Variants in FHOD3 observed in about 807,000 individuals in gnomAD.
The protein encoded by FHOD3 is FH1/FH2 domain-containing protein 3.
A neutral mutation model predicts 173.0 loss-of-function variants in FHOD3; 90 were observed. The observed-to-expected ratio is 0.52, with a 90% CI of 0.44 to 0.62. The LOEUF is 0.62. Ranked by LOEUF, FHOD3 falls within the 20% of genes least tolerant of loss-of-function variation. The pLI, the probability that FHOD3 is intolerant of heterozygous loss-of-function variation, is 0.00. For synonymous variants in FHOD3, 828 were observed against 823.0 expected (o/e 1.01, Z -0.10); for missense variants, 1,945 against 2,034.7 (o/e 0.96, Z 0.85).
chr18:36,693,117 C>A, intron 16 of FHOD3, 92 bp from the exon 17 acceptor site: 1 of 1,290,512 alleles, frequency 7.7e-7, no homozygotes, highest in Non-Finnish European at 1.1e-6. Flanking sequence ...ATCAGGAAAC[C>A]GGCTCATTCT....
At chr18:36,464,415 A>G (rs977261271) in intron 3 of FHOD3, among the ~76,000 whole-genome samples, 3 of 152,156 alleles carry the variant, frequency 2.0e-5, no homozygotes, top group Admixed American at 1.3e-4. Flanking sequence ...GGATACTTCT[A>G]AGGCTTGGTA....
intron 5 of FHOD3, among the ~76,000 whole-genome samples, chr18:36,525,510 T>C (rs2056470923): frequency 6.6e-6 from 1 of 152,196 alleles, no homozygotes; most frequent in Non-Finnish European, 1.5e-5. Context: ...ATGATAAATG[T>C]ATGTTGTTTT....
At chr18:36,485,693 T>C (rs1382134134) in intron 3 of FHOD3, among the ~76,000 whole-genome samples, 4 of 152,212 alleles carry the variant, frequency 2.6e-5, no homozygotes, top group African/African-American at 9.6e-5. Flanking sequence ...CAGAGCATGA[T>C]ACATAATGGA....
At chr18:36,657,364 C>A (rs2036494650) in intron 13 of FHOD3, among the ~76,000 whole-genome samples, 1 of 152,210 alleles carries the variant, frequency 6.6e-6, no homozygotes, top group South Asian at 2.1e-4. Context: ...TAAATATGGT[C>A]TGCTAAAGGA....
chr18:36,511,394 G>A (rs964123341), intron 4 of FHOD3, among the ~76,000 whole-genome samples: 7 of 145,552 alleles, frequency 4.8e-5, no homozygotes, highest in Non-Finnish European at 7.5e-5. Context: ...TGCCACTCCT[G>A]AGTCTTAGTG....
chr18:36,409,247 C>T (rs771179713), intron 3 of FHOD3, among the ~76,000 whole-genome samples: 5 of 152,178 alleles, frequency 3.3e-5, no homozygotes, highest in African/African-American at 4.8e-5. Context: ...AAGAATTAAG[C>T]TGCTGGTCTG....
At chr18:36,463,565 C>G (rs575755569) in intron 3 of FHOD3, among the ~76,000 whole-genome samples, 1 of 141,838 alleles carries the variant, frequency 7.1e-6, no homozygotes, top group South Asian at 2.3e-4. Flanking sequence ...GTGGTGTTAT[C>G]TCGGCTTACT....
intron 3 of FHOD3, among the ~76,000 whole-genome samples, chr18:36,488,881 C>G (rs1326924885): frequency 6.6e-6 from 1 of 152,166 alleles, no homozygotes; most frequent in East Asian, 1.9e-4. Flanking sequence ...AGGACTTTGA[C>G]AGCTGGTGCC....
chr18:36,728,693 G>A (rs2041198519), intron 19 of FHOD3, among the ~76,000 whole-genome samples: 1 of 152,138 alleles, frequency 6.6e-6, no homozygotes, highest in Non-Finnish European at 1.5e-5. Flanking sequence ...GTTCCAGGAG[G>A]ACTTAAGCTG....
intron 2 of FHOD3, among the ~76,000 whole-genome samples, chr18:36,360,810 T>G (rs1289565432): frequency 6.6e-6 from 1 of 152,202 alleles, no homozygotes; most frequent in Non-Finnish European, 1.5e-5. Flanking sequence ...AAATATCAGG[T>G]TTGAAGGAAT....
intron 3 of FHOD3, among the ~76,000 whole-genome samples, chr18:36,485,812 A>G (rs2054163560): frequency 6.6e-6 from 1 of 152,214 alleles, no homozygotes. Context: ...TGCAGAGGAA[A>G]GAAATGGTGC....
At chr18:36,560,437 A>C (rs979415991) in intron 5 of FHOD3, among the ~76,000 whole-genome samples, 1 of 152,150 alleles carries the variant, frequency 6.6e-6, no homozygotes, top group Non-Finnish European at 1.5e-5. Flanking sequence ...CTCAAACACA[A>C]GTTTCTTTGG....
At chr18:36,597,330 A>C (rs931154032) in intron 7 of FHOD3, among the ~76,000 whole-genome samples, 8 of 152,190 alleles carry the variant, frequency 5.3e-5, no homozygotes, top group Non-Finnish European at 1.2e-4. Flanking sequence ...TCAAGATAAA[A>C]CAATGGCCAT....
intron 1 of FHOD3, among the ~76,000 whole-genome samples, chr18:36,312,979 T>C (rs2092292562): frequency 6.6e-6 from 1 of 152,186 alleles, no homozygotes; most frequent in African/African-American, 2.4e-5. Context: ...TCTTCAGTCA[T>C]ATGGCCAGTG....
At chr18:36,692,958 A>T in intron 16 of FHOD3, 1 of 545,934 alleles carries the variant, frequency 1.8e-6, no homozygotes, top group Non-Finnish European at 3.3e-6. Flanking sequence ...TGCAGCAGTG[A>T]TCCAGTATCT....
At chr18:36,686,905 C>G (rs1205044173) in intron 15 of FHOD3, among the ~76,000 whole-genome samples, 2 of 152,122 alleles carry the variant, frequency 1.3e-5, no homozygotes, top group Non-Finnish European at 1.5e-5. Context: ...ATCCAATAAT[C>G]CTATGTTTTC....
intron 3 of FHOD3, among the ~76,000 whole-genome samples, chr18:36,452,329 T>G (rs2051906670): frequency 6.6e-6 from 1 of 152,200 alleles, no homozygotes; most frequent in Admixed American, 6.5e-5. Flanking sequence ...TTGGAATTAT[T>G]CATTTGTTGT....
At chr18:36,490,202 G>GT (rs2054397198) in intron 3 of FHOD3, among the ~76,000 whole-genome samples, 1 of 152,160 alleles carries the variant, frequency 6.6e-6, no homozygotes, top group Admixed American at 6.5e-5. Context: ...AAAATGGCAG[G>GT]TTTGAAACAG....
Position 36,681,444 on chromosome 18 carries a change from C to T in FHOD3, c.1844C>T (p.Pro615Leu), listed in dbSNP as rs199579476. Residue 615 changes from proline (P) to leucine (L), a missense_variant, in exon 15 of 29, where the codon CCG (proline) becomes CTG (leucine). By Grantham distance (98) the Pro-to-Leu change is moderately conservative. Coordinates refer to ENST00000590592, the MANE Select transcript of FHOD3 (RefSeq NM_001281740.3). ...ACTCATTGTATCTCCAGGTCATCAC[C>T]GAGTGGTCTTCTCACATCATCCTTC... ...PQEARLERSS[P>L]SGLLTSSFRQ... 2.9e-5 allele frequency: 47 copies of T among 1,613,600 alleles called. No homozygotes were observed. The highest frequency in any genetic ancestry group is 3.3e-4 in the Middle Eastern group (2 of 6,078).
Sources: allele counts gnomAD v4.1 joint callset (sites outside exome capture counted in the v4.1 genomes callset), GRCh38; gene constraint gnomAD v4.1.1; transcripts MANE v1.5; gene names NCBI Gene and HGNC (gene_info 2026-07-23, HGNC 2026-07-21).